ERBB4: variants seen among roughly 807,000 people sequenced by gnomAD.
The protein encoded by ERBB4 is erb-b2 receptor tyrosine kinase 4.
ERBB4 carries 42 observed loss-of-function variants against 158.0 expected under a neutral mutation model. The observed-to-expected ratio is 0.27, with a 90% confidence interval of 0.21 to 0.34. ERBB4 has a LOEUF of 0.34. Ranked by LOEUF, ERBB4 falls within the 10% of genes least tolerant of loss-of-function variation. The pLI, the probability that ERBB4 is intolerant of heterozygous loss-of-function variation, is 1.00. For synonymous variants in ERBB4, 583 were observed against 558.7 expected, an observed-to-expected ratio of 1.04 and a Z score of -0.61; for missense variants, 1,333 against 1,624.1, an observed-to-expected ratio of 0.82 and a Z score of 3.08.
chr2:211,548,089 G>C (rs61526284), intron 20 of ERBB4, among the ~76,000 whole-genome samples: 28,657 of 151,884 alleles, frequency 0.19, 3,695 homozygotes, highest in African/African-American at 0.37. Flanking sequence ...TCTATAAACC[G>C]CCTCAATAAA....
chr2:212,095,498 T>G (rs2078901546), intron 2 of ERBB4, among the ~76,000 whole-genome samples: 2 of 152,142 alleles, frequency 1.3e-5, no homozygotes, highest in Admixed American at 1.3e-4. Flanking sequence ...TGTGAGAGTT[T>G]AAAAAAGCAA....
At chr2:211,489,210 T>C (rs1196490404) in intron 20 of ERBB4, among the ~76,000 whole-genome samples, 1 of 152,070 alleles carries the variant, frequency 6.6e-6, no homozygotes, top group Non-Finnish European at 1.5e-5. Context: ...GCTTATTGTT[T>C]CATTAATTCT....
At chr2:211,623,394 C>G (rs1373454397) in intron 18 of ERBB4, among the ~76,000 whole-genome samples, 1 of 151,810 alleles carries the variant, frequency 6.6e-6, no homozygotes. Flanking sequence ...ATAAATGTAA[C>G]CAAGTAGGCA....
chr2:211,462,179 C>T (rs1415456280), intron 20 of ERBB4, among the ~76,000 whole-genome samples: 1 of 151,862 alleles, frequency 6.6e-6, no homozygotes, highest in Non-Finnish European at 1.5e-5. Context: ...GGAGCTGGCA[C>T]TTTACATGGC....
chr2:212,376,443 T>C (rs1366475447), intron 1 of ERBB4, among the ~76,000 whole-genome samples: 1 of 152,062 alleles, frequency 6.6e-6, no homozygotes. Context: ...ATTATGAGAA[T>C]GTCTTGAGAA....
At chr2:212,086,010 T>C (rs1390462855) in intron 2 of ERBB4, among the ~76,000 whole-genome samples, 1 of 151,960 alleles carries the variant, frequency 6.6e-6, no homozygotes, top group African/African-American at 2.4e-5. Flanking sequence ...ATCTGAGAAC[T>C]TCCCCAATCT....
chr2:212,409,945 GT>G lies in ERBB4; in HGVS notation c.82+128503del, dbSNP rs755016501. Among the ~76,000 whole-genome samples, 124 of 151,934 alleles carry G rather than the reference GT, an allele frequency of 8.2e-4. 1 individual carries two copies. The highest frequency in any genetic ancestry group is 1.4e-3 in the Non-Finnish European group (94 of 67,890). On this transcript the variant is annotated intron_variant, in intron 1 of 27. Transcript: ENST00000342788. ...TTGAAATCTAAATTCGTGTATTCTA[GT>G]TATTAACATAAACTCTGAAATAAAT... is the stretch of plus-strand genomic sequence containing the variant.
At chr2:211,761,567 G>A (rs968454569) in intron 4 of ERBB4, among the ~76,000 whole-genome samples, 64 of 151,868 alleles carry the variant, frequency 4.2e-4, no homozygotes, top group African/African-American at 1.5e-3. Flanking sequence ...AAACATTTTT[G>A]TTCTTGCCCA....
chr2:212,064,988 GGTGTGTGTGTGTGTGTGTGTGTGTGT>G (rs34396660), intron 2 of ERBB4, among the ~76,000 whole-genome samples: 2 of 143,284 alleles, frequency 1.4e-5, no homozygotes, highest in African/African-American at 5.2e-5. Context: ...ACATCTTTAT[GGTGTGTGTGTGTGTGTGTGTGTGTGT>G]GTGTGTGTGT....
intron 1 of ERBB4, among the ~76,000 whole-genome samples, chr2:212,199,499 C>A (rs914298142): frequency 1.3e-5 from 2 of 152,196 alleles, no homozygotes; most frequent in African/African-American, 4.8e-5. Flanking sequence ...GAAGTCTCCA[C>A]AACTTACGGC....
At chr2:211,644,070 A>G (rs1186465397) in intron 16 of ERBB4, among the ~76,000 whole-genome samples, 1 of 152,018 alleles carries the variant, frequency 6.6e-6, no homozygotes, top group African/African-American at 2.4e-5. Flanking sequence ...GTAGATTGGA[A>G]GTAACCCAAG....
intron 19 of ERBB4, among the ~76,000 whole-genome samples, chr2:211,583,343 T>C (rs1194753234): frequency 6.6e-6 from 1 of 151,952 alleles, no homozygotes; most frequent in African/African-American, 2.4e-5. Context: ...ATTTGGTATT[T>C]TGAAATAGTA....
chr2:211,715,835 A>G (rs1467287764), intron 7 of ERBB4, among the ~76,000 whole-genome samples: 2 of 152,172 alleles, frequency 1.3e-5, no homozygotes, highest in Non-Finnish European at 2.9e-5. Context: ...TTGTTTATCA[A>G]TTACCCAGTC....
intron 1 of ERBB4, among the ~76,000 whole-genome samples, chr2:212,524,200 T>C (rs1292363174): frequency 6.6e-6 from 1 of 152,048 alleles, no homozygotes; most frequent in Non-Finnish European, 1.5e-5. Context: ...ACCAAAATTA[T>C]AATAATTAAG....
At chr2:211,530,499 C>T (rs541004734) in intron 20 of ERBB4, among the ~76,000 whole-genome samples, 1 of 152,188 alleles carries the variant, frequency 6.6e-6, no homozygotes, top group South Asian at 2.1e-4. Flanking sequence ...AAGAAACAAT[C>T]TTAAAATTTA....
At chr2:212,213,312 A>C (rs1447536560) in intron 1 of ERBB4, among the ~76,000 whole-genome samples, 13 of 152,088 alleles carry the variant, frequency 8.5e-5, no homozygotes, top group Admixed American at 7.9e-4. Flanking sequence ...GTATGAAAGA[A>C]AGCTCAACAT....
At chr2:211,421,146 T>A (rs541791915) in intron 24 of ERBB4, among the ~76,000 whole-genome samples, 18 of 152,124 alleles carry the variant, frequency 1.2e-4, no homozygotes, top group Admixed American at 7.9e-4. Flanking sequence ...AAACCTTTGT[T>A]ATGCTCTTCC....
intron 1 of ERBB4, among the ~76,000 whole-genome samples, chr2:212,140,496 T>C (rs1035848396): frequency 2.7e-5 from 4 of 147,444 alleles, no homozygotes; most frequent in South Asian, 2.1e-4. Flanking sequence ...ATTGTAAATG[T>C]AAAAAGTATA....
intron 1 of ERBB4, among the ~76,000 whole-genome samples, chr2:212,530,636 T>G (rs1692702766): frequency 6.6e-6 from 1 of 152,156 alleles, no homozygotes; most frequent in Non-Finnish European, 1.5e-5. Flanking sequence ...TGTCAATTAT[T>G]TTCAGTCCTA....
Sources: gnomAD v4.1 joint callset for allele counts (sites outside exome capture counted in the v4.1 genomes callset) on GRCh38, gnomAD v4.1.1 for gene constraint, MANE v1.5 for transcripts, NCBI Gene and HGNC (gene_info 2026-07-23, HGNC 2026-07-21) for gene names.